The following GPC5 variants were observed in gnomAD, a reference collection of about 807,000 sequenced individuals.
GPC5 encodes glypican 5.
Under a neutral mutation model 53.9 loss-of-function variants are expected in GPC5, and 47 were observed. The observed-to-expected ratio is 0.87, with a 90% CI of 0.69 to 1.11. The LOEUF (loss-of-function observed/expected upper bound fraction) is 1.11. GPC5 is among the 50% of genes most tolerant of loss of function. The probability of loss-of-function intolerance (pLI) is 0.00; values close to 1 mark genes in which losing one functional copy is unlikely to be tolerated. For synonymous variants in GPC5, 286 were observed against 263.3 expected, an observed-to-expected ratio of 1.09 and a Z score of -0.84; for missense variants, 748 against 713.1, an observed-to-expected ratio of 1.05 and a Z score of -0.56.
intron 7 of GPC5, among the ~76,000 whole-genome samples, chr13:92,215,855 A>G (rs900152610): frequency 6.6e-6 from 1 of 152,194 alleles, no homozygotes; most frequent in East Asian, 1.9e-4. Flanking sequence ...GTCTAGTGTT[A>G]GACCCTGCTT....
chr13:91,621,338 C>G lies in GPC5; in HGVS notation c.326-71849C>G, dbSNP rs57641941. Among the ~76,000 whole-genome samples, 1,067 of 152,212 alleles carry G rather than the reference C, an allele frequency of 7.0e-3. 12 individuals are homozygous for G. Among genetic ancestry groups the G allele is most frequent in the African/African-American group, 0.024 (1,006 of 41,522 alleles). On this transcript the variant is annotated intron_variant, in intron 2 of 7. Coordinates refer to ENST00000377067, the MANE Select transcript of GPC5 (RefSeq NM_004466.6). Reference sequence around the variant, plus strand: ...TGATAACAGCACACATATTTCTCATCCCCTGCTCTGTCCATGTGGTTCAAG... The same window carrying G: ...TGATAACAGCACACATATTTCTCATGCCCTGCTCTGTCCATGTGGTTCAAG...
chr13:92,118,453 T>C (rs1286384473), intron 6 of GPC5, among the ~76,000 whole-genome samples: 2 of 152,184 alleles, frequency 1.3e-5, no homozygotes, highest in Non-Finnish European at 2.9e-5. Flanking sequence ...AAGTTCTAAG[T>C]GCCTGTGCAT....
Position 91,643,327 on chromosome 13 carries a change from C to A in GPC5, c.326-49860C>A, listed in dbSNP as rs116546884. Among the ~76,000 whole-genome samples the A allele has an allele frequency of 3.9e-3, 593 of 152,184 alleles. 8 individuals carry two copies. The highest frequency in any genetic ancestry group is 0.013 in the African/African-American group (560 of 41,516). ...AGTTCTGTAAGATAGAAGATGTAGT[C>A]AAAGACTAGAATTTAAAATTTAACA... On this transcript the variant is annotated intron_variant, in intron 2 of 7. Transcript: ENST00000377067.
In GPC5 at chr13:92,497,394, G is replaced by A. The variant is rs527420457; in HGVS notation, c.1561+352405G>A. Among the ~76,000 whole-genome samples, 8 of 152,294 alleles carry A rather than the reference G, an allele frequency of 5.3e-5. No homozygotes were observed. In the South Asian group the frequency reaches 1.7e-3, roughly 32 times the overall value. On this transcript the variant is annotated intron_variant, in intron 7 of 7. Coordinates refer to ENST00000377067, the MANE Select transcript of GPC5 (RefSeq NM_004466.6). ...CCCATTGCTTGTTTTTGTCAGGTTT[G>A]TTGAAGATCAGATGGTTTTAGATGT...
At chr13:92,172,158 T>C (rs928678161) in intron 7 of GPC5, among the ~76,000 whole-genome samples, 2 of 152,182 alleles carry the variant, frequency 1.3e-5, no homozygotes, top group African/African-American at 4.8e-5. Flanking sequence ...GATGGATCAA[T>C]GGATGGTTGA....
intron 5 of GPC5, among the ~76,000 whole-genome samples, chr13:91,800,159 T>G (rs1369278154): frequency 6.6e-6 from 1 of 152,122 alleles, no homozygotes; most frequent in Non-Finnish European, 1.5e-5. Flanking sequence ...ATGTGAGTAA[T>G]CTGATTATTT....
chr13:92,121,230 T>C (rs1331945743), intron 6 of GPC5, among the ~76,000 whole-genome samples: 1 of 152,224 alleles, frequency 6.6e-6, no homozygotes, highest in African/African-American at 2.4e-5. Context: ...CTCACACTTC[T>C]CTACTAGTTG....
At chr13:92,517,584 C>T (rs897324416) in intron 7 of GPC5, among the ~76,000 whole-genome samples, 6 of 152,122 alleles carry the variant, frequency 3.9e-5, no homozygotes, top group Admixed American at 3.3e-4. Context: ...CTGGAGTGGA[C>T]CTCTGGCAAA....
chr13:92,022,852 A>G (rs2040770237), intron 6 of GPC5, among the ~76,000 whole-genome samples: 2 of 152,144 alleles, frequency 1.3e-5, no homozygotes, highest in South Asian at 4.1e-4. Context: ...TAAGCGTATG[A>G]TATTAAATAA....
chr13:92,594,190 G>T (rs1883798781), intron 7 of GPC5, among the ~76,000 whole-genome samples: 1 of 152,152 alleles, frequency 6.6e-6, no homozygotes. Flanking sequence ...AGCTTCTTTA[G>T]ATGCCAGGAG....
intron 7 of GPC5, among the ~76,000 whole-genome samples, chr13:92,466,475 A>G (rs541664958): frequency 3.3e-5 from 5 of 152,182 alleles, no homozygotes; most frequent in Admixed American, 2.0e-4. Flanking sequence ...GCTTTAGACC[A>G]TTACGGTGTA....
chr13:91,430,246 A>G (rs918009039), intron 1 of GPC5, among the ~76,000 whole-genome samples: 7 of 152,176 alleles, frequency 4.6e-5, no homozygotes, highest in Admixed American at 6.5e-5. Context: ...AGGAGATGCC[A>G]TGAGATTTAT....
At chr13:92,054,717 G>A (rs2041060737) in intron 6 of GPC5, among the ~76,000 whole-genome samples, 1 of 152,154 alleles carries the variant, frequency 6.6e-6, no homozygotes, top group Non-Finnish European at 1.5e-5. Context: ...TAATTTTTGT[G>A]AGGCTGTTTT....
intron 3 of GPC5, among the ~76,000 whole-genome samples, chr13:91,705,198 A>C (rs979421831): frequency 2.0e-5 from 3 of 152,158 alleles, no homozygotes; most frequent in Admixed American, 6.5e-5. Context: ...ATTTTGTTCC[A>C]CTCACATTTT....
At chr13:92,384,472 G>A (rs2043776047) in intron 7 of GPC5, among the ~76,000 whole-genome samples, 1 of 151,970 alleles carries the variant, frequency 6.6e-6, no homozygotes, top group Non-Finnish European at 1.5e-5. Flanking sequence ...AAAGGAAATC[G>A]AATTACAGTT....
chr13:91,901,053 T>G (rs1566331677), intron 5 of GPC5, among the ~76,000 whole-genome samples: 1 of 152,024 alleles, frequency 6.6e-6, no homozygotes, highest in East Asian at 1.9e-4. Context: ...ATGGTAAAAT[T>G]TTCAGGTTGG....
In GPC5 at chr13:92,165,723, G is replaced by A. The variant is rs544199024; in HGVS notation, c.1561+20734G>A. On this transcript the variant is annotated intron_variant, in intron 7 of 7. Transcript: ENST00000377067. ...TTGGGTGGAGACACAGAGCCAGATC[G>A]TATCTAGCTTTTAAATAATCTCAAA... Among the ~76,000 whole-genome samples the A allele has an allele frequency of 1.9e-3, 296 of 152,296 alleles. 1 individual carries two copies. Among genetic ancestry groups the A allele is most frequent in the African/African-American group, 6.5e-3 (269 of 41,556 alleles).
intron 2 of GPC5, among the ~76,000 whole-genome samples, chr13:91,462,820 A>G (rs1375630996): frequency 6.6e-6 from 1 of 152,112 alleles, no homozygotes; most frequent in African/African-American, 2.4e-5. Flanking sequence ...ATGCTTTAGG[A>G]TGATCTAGGC....
chr13:92,534,669 T>C (rs898513000), intron 7 of GPC5, among the ~76,000 whole-genome samples: 5 of 152,114 alleles, frequency 3.3e-5, no homozygotes, highest in African/African-American at 9.7e-5. Flanking sequence ...AAATATAAGA[T>C]TGTGTGATAT....
Sources: allele counts gnomAD v4.1 joint callset (sites outside exome capture counted in the v4.1 genomes callset), GRCh38; gene constraint gnomAD v4.1.1; transcripts MANE v1.5; gene names NCBI Gene and HGNC (gene_info 2026-07-23, HGNC 2026-07-21).